AK8: variants seen among roughly 807,000 people sequenced by gnomAD.
AK8 encodes ATP-AMP transphosphorylase 8.
Under a neutral mutation model 54.6 loss-of-function variants are expected in AK8, and 44 were observed. The observed-to-expected ratio is 0.81, with a 90% CI of 0.63 to 1.04. The LOEUF is 1.04. Ranked by LOEUF, AK8 falls within the 50% of genes least tolerant of loss-of-function variation. The probability of loss-of-function intolerance (pLI) is 0.00; values close to 1 mark genes in which losing one functional copy is unlikely to be tolerated. For missense variants in AK8, 555 were observed against 613.6 expected (o/e 0.90, Z 1.01); for synonymous variants, 239 against 245.6 (o/e 0.97, Z 0.25).
At chr9:132,845,735 C>T (rs772339284) in intron 5 of AK8, among the ~76,000 whole-genome samples, 5 of 149,306 alleles carry the variant, frequency 3.3e-5, no homozygotes, top group Non-Finnish European at 4.4e-5. Flanking sequence ...GAGCAGAGAT[C>T]GCGCCACTGC....
intron 11 of AK8, among the ~76,000 whole-genome samples, chr9:132,772,493 G>T (rs1047645724): frequency 6.6e-6 from 1 of 152,218 alleles, no homozygotes; most frequent in African/African-American, 2.4e-5. Flanking sequence ...GCCATGTGAG[G>T]ATGCAGTGAG....
At chr9:132,815,567 A>G (rs973385291) in intron 9 of AK8, among the ~76,000 whole-genome samples, 2 of 152,186 alleles carry the variant, frequency 1.3e-5, no homozygotes, top group Admixed American at 6.5e-5. Flanking sequence ...AAAAAAAGAA[A>G]AAGAAAAAGA....
intron 9 of AK8, among the ~76,000 whole-genome samples, chr9:132,818,791 C>T (rs938711963): frequency 3.3e-5 from 5 of 151,462 alleles, no homozygotes; most frequent in African/African-American, 4.8e-5. Context: ...GAGGGTGCAA[C>T]GAGCTATGAT....
intron 5 of AK8, among the ~76,000 whole-genome samples, chr9:132,847,091 G>A (rs2809257): frequency 0.56 from 85,494 of 152,198 alleles, 26,670 homozygotes; most frequent in East Asian, 0.8. Context: ...GCCAGCTCCC[G>A]GCTTCTGCTG....
chr9:132,727,579 A>AT, intron 11 of AK8, 45 bp from the exon 12 acceptor site: 1 of 1,561,710 alleles, frequency 6.4e-7, no homozygotes, highest in Middle Eastern at 1.7e-4. Flanking sequence ...TATTTCCTGT[A>AT]TTTTATGATG....
intron 11 of AK8, among the ~76,000 whole-genome samples, chr9:132,749,531 A>G (rs1837806163): frequency 6.6e-6 from 1 of 151,830 alleles, no homozygotes. Context: ...CGTAGGTGTA[A>G]CTGTCACCCC....
At chr9:132,875,838 T>A (rs962769465) in intron 1 of AK8, among the ~76,000 whole-genome samples, 2 of 152,166 alleles carry the variant, frequency 1.3e-5, no homozygotes, top group Non-Finnish European at 2.9e-5. Flanking sequence ...AGCGCAGATG[T>A]TTGCTGGGGA....
intron 11 of AK8, among the ~76,000 whole-genome samples, chr9:132,746,121 C>T (rs925112810): frequency 5.3e-5 from 8 of 152,106 alleles, no homozygotes; most frequent in Non-Finnish European, 8.8e-5. Flanking sequence ...GTGAGACCAT[C>T]GGAGCCGCGC....
chr9:132,875,830 C>T (rs1012351017), intron 1 of AK8, among the ~76,000 whole-genome samples: 13 of 152,192 alleles, frequency 8.5e-5, no homozygotes, highest in Admixed American at 7.9e-4. Flanking sequence ...AGATGCCCAG[C>T]GCAGATGTTT....
chr9:132,860,397 A>G lies in AK8; in HGVS notation c.333+3268T>C, dbSNP rs1475069231. On this transcript the variant is annotated intron_variant, in intron 4 of 12. Transcript: ENST00000298545. The surrounding 1 kb of genome is among the most constrained non-coding windows in gnomAD (Gnocchi z 4.4). ...AAATGAAGACCTCCCAAATGAGACA[A>G]GCCAAGGCTGTTTACTCAGAGCTTG... Among the ~76,000 whole-genome samples the G allele has an allele frequency of 6.6e-6, 1 of 152,256 alleles. No individual in the cohort carries two copies. The highest frequency in any genetic ancestry group is 1.5e-5 in the Non-Finnish European group (1 of 68,042).
At chr9:132,792,325 G>A (rs1226004225) in intron 11 of AK8, among the ~76,000 whole-genome samples, 2 of 152,160 alleles carry the variant, frequency 1.3e-5, no homozygotes, top group East Asian at 3.8e-4. Context: ...ATATAAAAAT[G>A]AAACTGTAAA....
At chr9:132,727,259 T>C (rs1836618167) in intron 12 of AK8, among the ~76,000 whole-genome samples, 195 bp downstream of exon 12, 1 of 152,184 alleles carries the variant, frequency 6.6e-6, no homozygotes, top group South Asian at 2.1e-4. Context: ...ATAAATTTCC[T>C]GGTTATTCTT....
chr9:132,847,991 C>CTGTAGTCCCGAG (rs1842816522), intron 5 of AK8, among the ~76,000 whole-genome samples: 1 of 151,986 alleles, frequency 6.6e-6, no homozygotes, highest in Non-Finnish European at 1.5e-5. Context: ...TGGCATGTGC[C>CTGTAGTCCCGAG]TGTAGTCCCA....
chr9:132,866,805 C>A, intron 3 of AK8, 99 bp downstream of exon 3: 1 of 1,157,424 alleles, frequency 8.6e-7, no homozygotes, highest in Admixed American at 1.8e-5. Context: ...AGAAGAAAAG[C>A]TCAGTTATGC....
chr9:132,768,796 T>C (rs1210794100), intron 11 of AK8, among the ~76,000 whole-genome samples: 2 of 152,210 alleles, frequency 1.3e-5, no homozygotes, highest in African/African-American at 4.8e-5. Flanking sequence ...TGCAAACACC[T>C]AGTGAGCTGT....
At chr9:132,814,876 T>C in intron 9 of AK8, 149 bp from the exon 10 acceptor site, 1 of 567,916 alleles carries the variant, frequency 1.8e-6, no homozygotes, top group African/African-American at 1.9e-5. Flanking sequence ...TGGGTATGTG[T>C]CCAAGTAAAA....
intron 9 of AK8, among the ~76,000 whole-genome samples, chr9:132,822,999 GT>G (rs1841711893): frequency 6.6e-6 from 1 of 152,176 alleles, no homozygotes; most frequent in Non-Finnish European, 1.5e-5. Context: ...AGTGGTTAAT[GT>G]TTTTATGGCA....
At chr9:132,810,704 T>G (rs1840961713) in intron 10 of AK8, among the ~76,000 whole-genome samples, 3 of 152,140 alleles carry the variant, frequency 2.0e-5, no homozygotes, top group Admixed American at 2.0e-4. Context: ...GGCCGAGTGC[T>G]CCGTGACCTC....
chr9:132,877,952 CCCTGGGTCCG>C, intron 1 of AK8: 1 of 1,218,272 alleles, frequency 8.2e-7, no homozygotes, highest in Non-Finnish European at 1.2e-6. Flanking sequence ...CCCTTCCTCC[CCCTGGGTCCG>C]CCTGAGGCAA....
Sources: gnomAD v4.1 joint callset for allele counts (sites outside exome capture counted in the v4.1 genomes callset) on GRCh38, gnomAD v4.1.1 for gene constraint, Gnocchi (gnomAD v3.1) non-coding constraint, MANE v1.5 for transcripts, NCBI Gene and HGNC (gene_info 2026-07-23, HGNC 2026-07-21) for gene names.